Variants in PRKN observed in about 807,000 individuals in gnomAD.
PRKN encodes E3 ubiquitin-protein ligase parkin.
PRKN carries 56 observed loss-of-function variants against 59.5 expected under a neutral mutation model. The observed-to-expected ratio is 0.94, with a 90% CI of 0.76 to 1.18. The LOEUF is 1.18. PRKN is among the 50% of genes most tolerant of loss of function. The probability of loss-of-function intolerance (pLI) is 0.00; values close to 1 mark genes in which losing one functional copy is unlikely to be tolerated. For synonymous variants in PRKN, 250 were observed against 222.1 expected, an observed-to-expected ratio of 1.13 and a Z score of -1.12; for missense variants, 657 against 596.4, an observed-to-expected ratio of 1.10 and a Z score of -1.06.
At chr6:162,041,917 C>T (rs1028609061) in intron 5 of PRKN, among the ~76,000 whole-genome samples, 2 of 152,140 alleles carry the variant, frequency 1.3e-5, no homozygotes, top group Admixed American at 1.3e-4. Context: ...AGAGTGGCCA[C>T]TTGTTTAGAA....
chr6:162,673,684 C>G (rs994406527), intron 1 of PRKN, among the ~76,000 whole-genome samples: 2 of 152,164 alleles, frequency 1.3e-5, no homozygotes, highest in Admixed American at 6.5e-5. Flanking sequence ...ACACGCCCAG[C>G]CTAGATTTTT....
intron 5 of PRKN, among the ~76,000 whole-genome samples, chr6:162,021,926 TA>T (rs1281117120): frequency 1.3e-5 from 2 of 152,166 alleles, no homozygotes; most frequent in African/African-American, 2.4e-5. Flanking sequence ...AGTTCCCACT[TA>T]TAAGTGAGAA....
chr6:162,714,329 G>A (rs1247852985), intron 1 of PRKN, among the ~76,000 whole-genome samples: 3 of 152,264 alleles, frequency 2.0e-5, no homozygotes, highest in East Asian at 1.9e-4. Context: ...TTTGCGTCAC[G>A]GGGCCTTTGT....
chr6:161,720,059 C>T (rs11966195), intron 7 of PRKN, among the ~76,000 whole-genome samples: 32,943 of 152,132 alleles, frequency 0.22, 5,744 homozygotes, highest in African/African-American at 0.48. Context: ...ACTAGGATTA[C>T]AGCACAACAA....
At chr6:161,649,517 A>G (rs1413704608) in intron 7 of PRKN, among the ~76,000 whole-genome samples, 1 of 152,224 alleles carries the variant, frequency 6.6e-6, no homozygotes, top group Non-Finnish European at 1.5e-5. Context: ...CATTTGGGAC[A>G]TACTTCTTAA....
intron 6 of PRKN, among the ~76,000 whole-genome samples, chr6:161,971,104 T>C (rs914331326): frequency 6.6e-6 from 1 of 152,210 alleles, no homozygotes; most frequent in Admixed American, 6.5e-5. Context: ...TGCATCTGGA[T>C]ATAGTCGCTT....
At chr6:161,647,420 G>A (rs1389564699) in intron 7 of PRKN, among the ~76,000 whole-genome samples, 1 of 152,164 alleles carries the variant, frequency 6.6e-6, no homozygotes, top group African/African-American at 2.4e-5. Flanking sequence ...AGCAGCCATC[G>A]TGCAGAGTGT....
rs918898506 is a variant in PRKN at position 162,118,841 on chromosome 6, G to A, written c.535-64667C>T. Among the ~76,000 whole-genome samples, 6 of 152,196 alleles carry A rather than the reference G, an allele frequency of 3.9e-5. No individual in the cohort carries two copies. In the East Asian group the frequency reaches 1.2e-3, roughly 29 times the overall value. ...TGGAGGTGTCCTGGCCTTTGAACACGAAGATGATGATGTCTTCCTTGTCAT... is the reference window on the plus strand; with the variant it reads ...TGGAGGTGTCCTGGCCTTTGAACACAAAGATGATGATGTCTTCCTTGTCAT... On this transcript the variant is annotated intron_variant, in intron 4 of 11. Transcript: ENST00000366898.
intron 7 of PRKN, among the ~76,000 whole-genome samples, chr6:161,678,568 A>AAT (rs562536578): frequency 0.18 from 21,322 of 121,228 alleles, 2,335 homozygotes; most frequent in Admixed American, 0.38. Context: ...TTGGTGCCTG[A>AAT]TTTTTTTTTT....
chr6:162,612,431 C>T (rs1416207809), intron 1 of PRKN, among the ~76,000 whole-genome samples: 2 of 151,452 alleles, frequency 1.3e-5, no homozygotes, highest in South Asian at 2.1e-4. Flanking sequence ...AGCTTTCTAG[C>T]GCAGTGGAAA....
intron 7 of PRKN, among the ~76,000 whole-genome samples, chr6:161,723,622 C>T (rs570450861): frequency 2.0e-5 from 3 of 152,250 alleles, no homozygotes; most frequent in African/African-American, 7.2e-5. Flanking sequence ...CACTTTCTTT[C>T]ACGACTGTAG....
chr6:161,493,561 T>C (rs1383469299), intron 9 of PRKN, among the ~76,000 whole-genome samples: 1 of 152,170 alleles, frequency 6.6e-6, no homozygotes, highest in African/African-American at 2.4e-5. Flanking sequence ...ACGGAAGGAC[T>C]AACGGGGGTT....
At chr6:162,293,929 C>T (rs187923522) in intron 2 of PRKN, among the ~76,000 whole-genome samples, 4 of 152,234 alleles carry the variant, frequency 2.6e-5, no homozygotes, top group Non-Finnish European at 5.9e-5. Flanking sequence ...CCGTCCGCCT[C>T]GGCCTCCGAA....
At chr6:161,787,648 T>C (rs1027593107) in intron 6 of PRKN, among the ~76,000 whole-genome samples, 8 of 152,136 alleles carry the variant, frequency 5.3e-5, no homozygotes, top group Non-Finnish European at 8.8e-5. Context: ...ATAACAAAGT[T>C]AAAAAGAAAG....
Position 161,456,813 on chromosome 6 carries a change from T to C in PRKN, c.1084-69936A>G, listed in dbSNP as rs1011992129. ...CCTTCCTCTTCCTCTTCCACCCACA[T>C]GCCCAGAGAGCTCAGGGCTTCCTCA... is the stretch of plus-strand genomic sequence containing the variant. On this transcript the variant is annotated intron_variant, in intron 9 of 11. Coordinates refer to ENST00000366898, the MANE Select transcript of PRKN (RefSeq NM_004562.3). The surrounding 1 kb of genome is among the most constrained non-coding windows in gnomAD (Gnocchi z 4.8). Among the ~76,000 whole-genome samples, 2 of 152,194 alleles carry C rather than the reference T, an allele frequency of 1.3e-5. No homozygotes were observed. Among genetic ancestry groups the C allele is most frequent in the African/African-American group, 4.8e-5 (2 of 41,448 alleles).
At chr6:162,198,326 G>A (rs1206008481) in intron 4 of PRKN, among the ~76,000 whole-genome samples, 2 of 152,106 alleles carry the variant, frequency 1.3e-5, no homozygotes, top group East Asian at 2.0e-4. Flanking sequence ...AGGGTGGCAT[G>A]ACATCATCAC....
chr6:161,398,786 G>C (rs181150852), intron 9 of PRKN, among the ~76,000 whole-genome samples: 7 of 152,270 alleles, frequency 4.6e-5, no homozygotes, highest in Admixed American at 3.3e-4. Flanking sequence ...TGATGGATGT[G>C]AGGTTCCATG....
chr6:162,114,565 T>C (rs977631377), intron 4 of PRKN, among the ~76,000 whole-genome samples: 3 of 152,122 alleles, frequency 2.0e-5, no homozygotes, highest in African/African-American at 7.2e-5. Context: ...ACATTGATTT[T>C]GTATCCTGAA....
chr6:161,967,029 A>G (rs754816081), intron 6 of PRKN, among the ~76,000 whole-genome samples: 1 of 152,120 alleles, frequency 6.6e-6, no homozygotes, highest in Non-Finnish European at 1.5e-5. Context: ...ATGGGGTTTC[A>G]CTATGTTGGC....
Sources: allele counts gnomAD v4.1 joint callset (sites outside exome capture counted in the v4.1 genomes callset), GRCh38; gene constraint gnomAD v4.1.1; non-coding constraint Gnocchi (gnomAD v3.1); transcripts MANE v1.5; gene names NCBI Gene and HGNC (gene_info 2026-07-23, HGNC 2026-07-21).